COG7: variants seen among roughly 807,000 people sequenced by gnomAD.
COG7 encodes the protein component of oligomeric golgi complex 7, also known as conserved oligomeric Golgi complex subunit 7.
COG7 carries 49 observed loss-of-function variants against 91.5 expected under a neutral mutation model. The observed-to-expected ratio is 0.54, with a 90% CI of 0.43 to 0.68. The LOEUF (loss-of-function observed/expected upper bound fraction) is 0.68, where lower values mean the gene tolerates loss of function less well. Among genes scored for constraint, COG7 ranks in the 30% least tolerant of loss-of-function variants. The pLI is 0.00. For synonymous variants in COG7, 365 were observed against 388.7 expected (o/e 0.94, Z 0.72); for missense variants, 895 against 961.3 (o/e 0.93, Z 0.91).
At chr16:23,408,456 G>A (rs1326280484) in intron 11 of COG7, among the ~76,000 whole-genome samples, 2 of 145,836 alleles carry the variant, frequency 1.4e-5, no homozygotes, top group African/African-American at 2.5e-5. Flanking sequence ...GAGTGGCGGG[G>A]GGAGGTGGGG....
chr16:23,439,487 T>TA (rs1450433701), intron 4 of COG7, among the ~76,000 whole-genome samples: 3 of 152,054 alleles, frequency 2.0e-5, no homozygotes, highest in African/African-American at 7.2e-5. Context: ...GATGAATAGA[T>TA]AGAGAAAATG....
intron 11 of COG7, among the ~76,000 whole-genome samples, chr16:23,409,696 C>A (rs983234565): frequency 6.6e-6 from 1 of 152,138 alleles, no homozygotes; most frequent in Admixed American, 6.5e-5. Context: ...GAAGCCAGAG[C>A]CCCTTGAAGG....
At position 23,388,624 on chromosome 16, in the gene COG7, CTTT is replaced by C. The variant is rs567617218; in HGVS notation, c.*293_*295del. 291 of 155,570 alleles carry C rather than the reference CTTT, an allele frequency of 1.9e-3. No individual in the cohort carries two copies. The highest frequency in any genetic ancestry group is 3.5e-3 in the African/African-American group (112 of 31,748). 9.6% of individuals were successfully genotyped at this position (155,570 alleles called of 1,614,324 possible). A position where few individuals can be genotyped will look rare whatever the true frequency, so the allele number is the denominator to read the frequency against. ...TTTTGATTATACAAATGAACCAAGT[CTTT>C]TTTTTTTTTTTTTTTGAGACAGAGT... On this transcript the variant is annotated 3_prime_UTR_variant, in exon 17 of 17. Coordinates refer to ENST00000307149, the MANE Select transcript of COG7 (RefSeq NM_153603.4).
At chr16:23,430,573 G>A (rs1037117899) in intron 6 of COG7, among the ~76,000 whole-genome samples, 10 of 150,160 alleles carry the variant, frequency 6.7e-5, no homozygotes, top group South Asian at 4.2e-4. Flanking sequence ...ATGGATTCTC[G>A]CTCTGTTGCC....
chr16:23,446,922 T>G (rs964819275), intron 1 of COG7: 11 of 139,854 alleles, frequency 7.9e-5, no homozygotes, highest in African/African-American at 3.2e-4. Context: ...TGAATAATTT[T>G]TATATATTTT....
intron 14 of COG7, among the ~76,000 whole-genome samples, chr16:23,395,807 C>T (rs1304348577): frequency 6.6e-6 from 1 of 152,232 alleles, no homozygotes; most frequent in Non-Finnish European, 1.5e-5. Context: ...GTTGGGTTAA[C>T]TCACTGACTT....
At position 23,438,649 on chromosome 16, in the gene COG7, C is replaced by G. The variant is rs191051212; in HGVS notation, c.604+3828G>C. On this transcript the variant is annotated intron_variant, in intron 4 of 16. Transcript: ENST00000307149. ...AATAGTCAATAAGCAAATGAAAATACACTCAATATCATTAATCATTAGAGG... is the reference window on the plus strand; with the variant it reads ...AATAGTCAATAAGCAAATGAAAATAGACTCAATATCATTAATCATTAGAGG... Among the ~76,000 whole-genome samples the G allele has an allele frequency of 3.9e-5, 6 of 151,958 alleles. No homozygotes were observed. In the East Asian group the frequency reaches 1.2e-3, roughly 29 times the overall value.
chr16:23,435,754 A>C (rs922447864), intron 4 of COG7, among the ~76,000 whole-genome samples: 2 of 152,256 alleles, frequency 1.3e-5, no homozygotes, highest in African/African-American at 2.4e-5. Context: ...GGGAAGCCCA[A>C]TAAACTGCTG....
chr16:23,395,717 G>A (rs1963275109), intron 14 of COG7, among the ~76,000 whole-genome samples: 1 of 152,174 alleles, frequency 6.6e-6, no homozygotes, highest in Non-Finnish European at 1.5e-5. Context: ...AAATCAATAT[G>A]GAAAGGGCTG....
At chr16:23,398,992 C>A (rs894519455) in intron 13 of COG7, among the ~76,000 whole-genome samples, 1 of 147,892 alleles carries the variant, frequency 6.8e-6, no homozygotes, top group African/African-American at 2.6e-5. Flanking sequence ...TTACTTCCAA[C>A]CTGAGCCACT....
chr16:23,434,814 G>A, intron 4 of COG7, 96 bp from the exon 5 acceptor site: 2 of 788,478 alleles, frequency 2.5e-6, no homozygotes, highest in Non-Finnish European at 4.5e-6. Flanking sequence ...ATGGAAGCTA[G>A]TATTCACAAG....
chr16:23,434,679 T>C lies in COG7; in HGVS notation c.644A>G (p.Asp215Gly). 1.2e-6 allele frequency: 2 copies of C among 1,613,908 alleles called. No individual in the cohort carries two copies. Among genetic ancestry groups the C allele is most frequent in the Non-Finnish European group, 1.7e-6 (2 of 1,179,762 alleles). ...GTAGGCCAGGAGCTGGGGCATCCGGTCAATTTCAGTAAACACCTTCACAAA... is the reference window on the plus strand; with the variant it reads ...GTAGGCCAGGAGCTGGGGCATCCGGCCAATTTCAGTAAACACCTTCACAAA... ...KVFVKVFTEI[D>G]RMPQLLAYYY... Residue 215 changes from aspartate to glycine, a missense_variant, in exon 5 of 17, where the codon GAC (aspartate) becomes GGC (glycine). Transcript: ENST00000307149.
intron 7 of COG7, among the ~76,000 whole-genome samples, chr16:23,420,530 T>G (rs1163400021): frequency 6.6e-6 from 1 of 152,194 alleles, no homozygotes; most frequent in African/African-American, 2.4e-5. Flanking sequence ...ATGCTGATCC[T>G]CTGTCTGGAA....
rs186592780 is a variant in COG7, at chr16:23,399,649, C to T, written c.1804-1520G>A. On this transcript the variant is annotated intron_variant, in intron 13 of 16. Coordinates refer to ENST00000307149, the MANE Select transcript of COG7 (RefSeq NM_153603.4). ...AGCTCTCGGTGTCAGAGGCAAGGAGCAAGAAGAGCTCAGGGCGATTAGAGA... is the reference window on the plus strand; with the variant it reads ...AGCTCTCGGTGTCAGAGGCAAGGAGTAAGAAGAGCTCAGGGCGATTAGAGA... Among the ~76,000 whole-genome samples the T allele has an allele frequency of 2.6e-5, 4 of 151,876 alleles. No homozygotes were observed. In the East Asian group the frequency reaches 7.8e-4, roughly 29 times the overall value.
chr16:23,450,489 C>A (rs371823624), intron 1 of COG7, among the ~76,000 whole-genome samples: 1 of 152,282 alleles, frequency 6.6e-6, no homozygotes. Context: ...TTTCTGGACA[C>A]ATGCATAGTA....
chr16:23,434,281 A>C (rs943653036), intron 5 of COG7, among the ~76,000 whole-genome samples: 1 of 152,130 alleles, frequency 6.6e-6, no homozygotes, highest in African/African-American at 2.4e-5. Context: ...GTGAAACCCT[A>C]TCTCTAAAGA....
chr16:23,442,485 T>C lies in COG7; in HGVS notation c.596A>G (p.Gln199Arg), dbSNP rs750268303. The C allele has an allele frequency of 1.9e-6, 3 of 1,613,726 alleles. No individual in the cohort carries two copies. Among genetic ancestry groups the C allele is most frequent in the African/African-American group, 1.3e-5 (1 of 74,912 alleles). The stretch of plus-strand genomic sequence containing the variant: ...AAGCAGCTAGCACTCACCTACAGCC[T>C]GAGAGGTGAATGCCGCTACAATCTG... ...SPQIVAAFTS[Q>R]AVDQSKVFVK... Residue 199 changes from glutamine (Q) to arginine (R), a missense_variant, in exon 4 of 17, where the codon CAG becomes CGG. Transcript: ENST00000307149.
In COG7 at chr16:23,416,950, C is replaced by T. The variant is rs770550607; in HGVS notation, c.1292+17G>A. 20 of 1,614,068 alleles carry T rather than the reference C, an allele frequency of 1.2e-5. No individual in the cohort carries two copies. The highest frequency in any genetic ancestry group is 1.7e-5 in the Admixed American group (1 of 60,002). On this transcript the variant is annotated intron_variant, in intron 9 of 16. Transcript: ENST00000307149. ...GCTCCAATGTGGCCCGTCTGGTCCCCAGTTCCCCAGCCTTACTTGGCAAAG... is the reference window on the plus strand; with the variant it reads ...GCTCCAATGTGGCCCGTCTGGTCCCTAGTTCCCCAGCCTTACTTGGCAAAG...
At chr16:23,433,714 G>GCA (rs1963969696) in intron 5 of COG7, 47 bp from the exon 6 acceptor site, 2 of 1,611,256 alleles carry the variant, frequency 1.2e-6, no homozygotes, top group African/African-American at 2.7e-5. Flanking sequence ...GTCAACATAG[G>GCA]TTGCCTGTGA....
Sources: allele counts gnomAD v4.1 joint callset (sites outside exome capture counted in the v4.1 genomes callset), GRCh38; gene constraint gnomAD v4.1.1; transcripts MANE v1.5; gene names NCBI Gene and HGNC (gene_info 2026-07-23, HGNC 2026-07-21).